Variants in HERC2 observed in about 807,000 individuals in gnomAD.
HERC2 encodes the protein HECT and RLD domain containing E3 ubiquitin protein ligase 2, also known as E3 ubiquitin-protein ligase HERC2.
A neutral mutation model predicts 537.7 loss-of-function variants in HERC2; 102 were observed. That is an observed-to-expected ratio of 0.19 (90% confidence interval 0.16 to 0.22). The LOEUF (loss-of-function observed/expected upper bound fraction) is 0.22, where lower values mean the gene tolerates loss of function less well. Ranked by LOEUF, HERC2 falls within the 10% of genes least tolerant of loss-of-function variation. The pLI is 1.00. For synonymous variants in HERC2, 2,224 were observed against 2,466.2 expected (o/e 0.90, Z 2.91); for missense variants, 4,236 against 6,198.2 (o/e 0.68, Z 10.63).
chr15:28,148,783 G>C (rs1266848570), intron 70 of HERC2, among the ~76,000 whole-genome samples: 1 of 131,814 alleles, frequency 7.6e-6, no homozygotes, highest in Non-Finnish European at 1.6e-5. Flanking sequence ...CTAACCGAGA[G>C]CATCACCGAG....
chr15:28,307,098 G>C (rs1371647659), intron 2 of HERC2, among the ~76,000 whole-genome samples: 2 of 152,208 alleles, frequency 1.3e-5, no homozygotes, highest in Non-Finnish European at 2.9e-5. Context: ...GCCTCCCAAA[G>C]TGCTGGGATT....
Position 28,270,898 on chromosome 15 carries a change from A to T in HERC2, c.1084-30T>A, listed in dbSNP as rs1484002649. ...AAAGGAAAAGTAAACAAAAATTCAG[A>T]AATGGTGGGAAAAATTAAAGTTAAC... On this transcript the variant is annotated intron_variant, in intron 9 of 92. Transcript: ENST00000261609. 2.5e-6 allele frequency: 4 copies of T among 1,594,240 alleles called. No homozygotes were observed. In the Admixed American group the frequency reaches 5.2e-5, roughly 21 times the overall value.
At chr15:28,159,357 A>G (rs56891387) in intron 69 of HERC2, among the ~76,000 whole-genome samples, 19,128 of 152,132 alleles carry the variant, frequency 0.13, 4,057 homozygotes, top group African/African-American at 0.44. Context: ...CATTCTCCCC[A>G]TCACTTTCAG....
Position 28,176,189 on chromosome 15 carries a change from G to C in HERC2, c.9686+239C>G, listed in dbSNP as rs1466235653. ...GTTCCCATAAATCTCACCCAAACAGGAAAGGTAAGTGGCCTAAAATTTTTC... is the reference window on the plus strand; with the variant it reads ...GTTCCCATAAATCTCACCCAAACAGCAAAGGTAAGTGGCCTAAAATTTTTC... On this transcript the variant is annotated intron_variant, in intron 63 of 92. Transcript: ENST00000261609. The surrounding 1 kb of genome is among the most constrained non-coding windows in gnomAD (Gnocchi z 5.0). Among the ~76,000 whole-genome samples the C allele has an allele frequency of 6.6e-6, 1 of 152,192 alleles. No individual in the cohort carries two copies. Among genetic ancestry groups the C allele is most frequent in the East Asian group, 1.9e-4 (1 of 5,200 alleles).
intron 5 of HERC2, among the ~76,000 whole-genome samples, chr15:28,278,072 A>G (rs1487412591): frequency 6.6e-6 from 1 of 151,602 alleles, no homozygotes; most frequent in Admixed American, 6.6e-5. Context: ...CCCGGGCAAC[A>G]TGGCAAAACC....
rs557233591 is a variant in HERC2 at position 28,204,105 on chromosome 15, T to A, written c.7213-1491A>T. Among the ~76,000 whole-genome samples, 439 of 152,018 alleles carry A rather than the reference T, an allele frequency of 2.9e-3. 8 individuals carry two copies. Among genetic ancestry groups the A allele is most frequent in the African/African-American group, 1.0e-2 (412 of 41,322 alleles). On this transcript the variant is annotated intron_variant, in intron 45 of 92. Coordinates refer to ENST00000261609, the MANE Select transcript of HERC2 (RefSeq NM_004667.6). ...ACTGCCTGTGAGAAGAAAACTCCCC[T>A]TTCTCCAGAGGCGGCAGAACCCAGA...
intron 40 of HERC2, 130 bp downstream of exon 40, chr15:28,214,525 C>G: frequency 2.4e-6 from 3 of 1,275,868 alleles, no homozygotes; most frequent in Non-Finnish European, 3.4e-6. Flanking sequence ...AGGGAGACGG[C>G]CACCCACCTC....
intron 70 of HERC2, among the ~76,000 whole-genome samples, chr15:28,148,370 G>C (rs1459332210): frequency 6.6e-6 from 1 of 152,050 alleles, no homozygotes; most frequent in African/African-American, 2.4e-5. Context: ...AACAGAGGTA[G>C]AAAGTACTTG....
chr15:28,116,515 C>T (rs1267041494), intron 88 of HERC2, 150 bp downstream of exon 88: 2 of 853,262 alleles, frequency 2.3e-6, no homozygotes, highest in African/African-American at 1.7e-5. Flanking sequence ...CCGCGCCTCA[C>T]CCTAAAAGTC....
At chr15:28,261,434 A>G (rs149116523) in intron 15 of HERC2, among the ~76,000 whole-genome samples, 194 of 152,230 alleles carry the variant, frequency 1.3e-3, no homozygotes, top group African/African-American at 4.4e-3. Flanking sequence ...AAAATATTCT[A>G]TTTTTCCTTC....
chr15:28,186,015 C>T (rs1272465149), intron 56 of HERC2, among the ~76,000 whole-genome samples: 1 of 152,134 alleles, frequency 6.6e-6, no homozygotes, highest in Non-Finnish European at 1.5e-5. Flanking sequence ...TGAGAACAGT[C>T]ATAAGATGAA....
chr15:28,216,072 T>C (rs546805752), intron 38 of HERC2, among the ~76,000 whole-genome samples: 111 of 152,102 alleles, frequency 7.3e-4, no homozygotes, highest in African/African-American at 2.3e-3. Flanking sequence ...AACTCCTGGG[T>C]TCAAGTGATT....
intron 2 of HERC2, among the ~76,000 whole-genome samples, chr15:28,305,199 A>G (rs952243371): frequency 6.7e-6 from 1 of 149,564 alleles, no homozygotes; most frequent in Non-Finnish European, 1.5e-5. Flanking sequence ...TCTTTATAGC[A>G]GCATGATTTA....
intron 37 of HERC2, among the ~76,000 whole-genome samples, chr15:28,219,993 A>G (rs1015303479): frequency 6.6e-6 from 1 of 152,198 alleles, no homozygotes; most frequent in Non-Finnish European, 1.5e-5. Flanking sequence ...AAGAGTTCAG[A>G]GTCAGGGACC....
Position 28,268,234 on chromosome 15 carries a change from G to A in HERC2, c.1598+231C>T. ...TTGAGTAGATAGAAGGCTGGCCAAG[G>A]CTGCACGGGGTCAAGAAGAACAGAA... On this transcript the variant is annotated intron_variant, in intron 12 of 92. Coordinates refer to ENST00000261609, the MANE Select transcript of HERC2 (RefSeq NM_004667.6). This position sits in a 1 kb window ranked among gnomAD's most constrained non-coding sequence, Gnocchi z 4.7. Among the ~76,000 whole-genome samples, 1 of 152,140 alleles carries A rather than the reference G, an allele frequency of 6.6e-6. No homozygotes were observed.
intron 44 of HERC2, among the ~76,000 whole-genome samples, chr15:28,209,594 T>C (rs138770130): frequency 0.023 from 3,466 of 152,170 alleles, 85 homozygotes; most frequent in African/African-American, 0.066. Flanking sequence ...CTGCCCGCCT[T>C]AGCCTCCCAA....
intron 16 of HERC2, 126 bp downstream of exon 16, chr15:28,260,647 AAATG>A (rs1228959422): frequency 1.4e-6 from 1 of 705,898 alleles, no homozygotes; most frequent in Non-Finnish European, 2.4e-6. Context: ...AGCTCATAAT[AAATG>A]AGTTTAGCAC....
intron 20 of HERC2, among the ~76,000 whole-genome samples, chr15:28,252,218 G>A (rs1311270180): frequency 1.1e-4 from 16 of 152,160 alleles, no homozygotes; most frequent in African/African-American, 3.4e-4. Flanking sequence ...GTAGCCAGAC[G>A]GGCCAGCGCA....
intron 45 of HERC2, among the ~76,000 whole-genome samples, chr15:28,204,930 G>T (rs1444785481): frequency 6.6e-6 from 1 of 152,092 alleles, no homozygotes; most frequent in African/African-American, 2.4e-5. Context: ...GCAAGGCAGG[G>T]GGAAAAAACA....
Sources: allele counts gnomAD v4.1 joint callset (sites outside exome capture counted in the v4.1 genomes callset), GRCh38; gene constraint gnomAD v4.1.1; non-coding constraint Gnocchi (gnomAD v3.1); transcripts MANE v1.5; gene names NCBI Gene and HGNC (gene_info 2026-07-23, HGNC 2026-07-21).